Variants in NOVA1 observed in about 807,000 individuals in gnomAD.
NOVA1 encodes the protein RNA-binding protein Nova-1.
Under a neutral mutation model 38.0 loss-of-function variants are expected in NOVA1, and 7 were observed. The ratio of observed to expected loss-of-function variants is 0.18; its 90% CI spans 0.10 to 0.35. The LOEUF is 0.35. Ranked by LOEUF, NOVA1 falls within the 10% of genes least tolerant of loss-of-function variation. The pLI, the probability that NOVA1 is intolerant of heterozygous loss-of-function variation, is 1.00. For missense variants in NOVA1, 460 were observed against 616.0 expected, an observed-to-expected ratio of 0.75 and a Z score of 2.68; for synonymous variants, 270 against 232.5, an observed-to-expected ratio of 1.16 and a Z score of -1.47.
intron 4 of NOVA1, among the ~76,000 whole-genome samples, chr14:26,450,068 G>C (rs1485967726): frequency 6.6e-6 from 1 of 152,074 alleles, no homozygotes; most frequent in African/African-American, 2.4e-5. Flanking sequence ...GTCAAAACTT[G>C]TGATTGTTGT....
At chr14:26,450,677 T>C (rs1882591799) in intron 4 of NOVA1, among the ~76,000 whole-genome samples, 1 of 152,098 alleles carries the variant, frequency 6.6e-6, no homozygotes, top group Non-Finnish European at 1.5e-5. Context: ...TTGTACAAAA[T>C]TATTTGTCTG....
intron 2 of NOVA1, among the ~76,000 whole-genome samples, chr14:26,558,692 T>C (rs377600525): frequency 5.3e-5 from 8 of 152,144 alleles, no homozygotes; most frequent in Non-Finnish European, 8.8e-5. Flanking sequence ...AATTTCTATA[T>C]AGGAAAGTTA....
At chr14:26,513,796 A>G (rs1888269427) in intron 2 of NOVA1, among the ~76,000 whole-genome samples, 1 of 151,826 alleles carries the variant, frequency 6.6e-6, no homozygotes, top group South Asian at 2.1e-4. Flanking sequence ...ATTAAAAGTA[A>G]CTTTAATTTC....
chr14:26,592,443 G>A (rs1893911068), intron 2 of NOVA1, among the ~76,000 whole-genome samples: 1 of 150,978 alleles, frequency 6.6e-6, no homozygotes, highest in African/African-American at 2.4e-5. Context: ...AATTAAGTCA[G>A]TACTCTGTAA....
rs1881835567 is a variant in NOVA1, at chr14:26,443,394, A to C, written c.*4565T>G. ...AGAATTAAACAATATTTTATTTACA[A>C]ATCTGATTTGATGTACTTTATTATA... On this transcript the variant is annotated 3_prime_UTR_variant, in exon 5 of 5. Transcript: ENST00000539517. 6.6e-6 allele frequency: 1 copy of C among 151,986 alleles called. No homozygotes were observed. The highest frequency in any genetic ancestry group is 2.4e-5 in the African/African-American group (1 of 41,446). The allele number at this position is 151,986 out of a possible 1,614,324, so 9.4% of individuals were successfully genotyped here.
chr14:26,596,943 A>G, intron 1 of NOVA1: 1 of 1,201,992 alleles, frequency 8.3e-7, no homozygotes, highest in Non-Finnish European at 1.0e-6. Flanking sequence ...GGCGGCCATC[A>G]CCTCACTCCG....
chr14:26,489,685 T>A (rs967774208), intron 2 of NOVA1, among the ~76,000 whole-genome samples: 3 of 151,752 alleles, frequency 2.0e-5, no homozygotes, highest in African/African-American at 7.3e-5. Flanking sequence ...ACTAAAAAAA[T>A]TTTGTTATTT....
chr14:26,472,405 C>A lies in NOVA1; in HGVS notation c.448-14G>T. The A allele has an allele frequency of 1.4e-6, 2 of 1,460,698 alleles. No individual in the cohort carries two copies. The highest frequency in any genetic ancestry group is 1.9e-6 in the Non-Finnish European group (2 of 1,079,566). The allele number at this position is 1,460,698 out of a possible 1,614,324, so 90.5% of individuals were successfully genotyped here. A position where few individuals can be genotyped will look rare whatever the true frequency, so the allele number is the denominator to read the frequency against. ...AGATGGCAATGTCTGGGAAACAAAGCAGTTCAGGAGCAAATCAACCTTTAT... is the reference window on the plus strand; with the variant it reads ...AGATGGCAATGTCTGGGAAACAAAGAAGTTCAGGAGCAAATCAACCTTTAT... On this transcript the variant is annotated splice_polypyrimidine_tract_variant and intron_variant, in intron 3 of 4. Coordinates refer to ENST00000539517, the MANE Select transcript of NOVA1 (RefSeq NM_002515.3).
At chr14:26,518,305 T>C (rs1425566010) in intron 2 of NOVA1, among the ~76,000 whole-genome samples, 1 of 152,052 alleles carries the variant, frequency 6.6e-6, no homozygotes, top group Non-Finnish European at 1.5e-5. Context: ...CTAAGTTTTC[T>C]GTAGTTTAGT....
At chr14:26,493,263 T>C (rs914771179) in intron 2 of NOVA1, among the ~76,000 whole-genome samples, 5 of 152,278 alleles carry the variant, frequency 3.3e-5, no homozygotes, top group East Asian at 3.9e-4. Context: ...CAGGTCAAAA[T>C]AGGTAACTAC....
At chr14:26,567,615 G>C (rs1892215228) in intron 2 of NOVA1, among the ~76,000 whole-genome samples, 1 of 152,026 alleles carries the variant, frequency 6.6e-6, no homozygotes, top group Non-Finnish European at 1.5e-5. Context: ...GATTTAAATA[G>C]TTTGACAGTG....
chr14:26,544,227 A>T (rs1890648301), intron 2 of NOVA1, among the ~76,000 whole-genome samples: 1 of 152,050 alleles, frequency 6.6e-6, no homozygotes, highest in Admixed American at 6.6e-5. Flanking sequence ...GAGGACAGAG[A>T]TAAACCAGAA....
At chr14:26,504,291 T>C (rs1887463449) in intron 2 of NOVA1, among the ~76,000 whole-genome samples, 1 of 152,180 alleles carries the variant, frequency 6.6e-6, no homozygotes, top group Admixed American at 6.6e-5. Context: ...ATGAAATGTA[T>C]ACTTAACGTG....
chr14:26,579,215 G>A (rs1261319950), intron 2 of NOVA1, among the ~76,000 whole-genome samples: 1 of 151,728 alleles, frequency 6.6e-6, no homozygotes, highest in Non-Finnish European at 1.5e-5. Flanking sequence ...GCGCCATCAA[G>A]CCCAGCCAAT....
intron 4 of NOVA1, among the ~76,000 whole-genome samples, chr14:26,456,386 G>A (rs914897600): frequency 6.6e-6 from 1 of 151,910 alleles, no homozygotes; most frequent in East Asian, 1.9e-4. Flanking sequence ...CAGGGGAAAC[G>A]TGGGAGTTAA....
intron 3 of NOVA1, among the ~76,000 whole-genome samples, chr14:26,473,811 C>A (rs1038888274): frequency 6.6e-6 from 1 of 151,664 alleles, no homozygotes; most frequent in Admixed American, 6.6e-5. Context: ...AGATTTTTAC[C>A]AAATCATACA....
chr14:26,521,768 T>C (rs1288632554), intron 2 of NOVA1, among the ~76,000 whole-genome samples: 2 of 152,048 alleles, frequency 1.3e-5, no homozygotes, highest in African/African-American at 4.8e-5. Context: ...AGAAAGTAAA[T>C]ATTTTATGTT....
chr14:26,502,056 A>G (rs1465685862), intron 2 of NOVA1, among the ~76,000 whole-genome samples: 4 of 151,594 alleles, frequency 2.6e-5, no homozygotes, highest in Non-Finnish European at 5.9e-5. Context: ...AGAATCAACT[A>G]AACAAATCCA....
At chr14:26,489,052 T>C (rs1594387274) in intron 2 of NOVA1, among the ~76,000 whole-genome samples, 1 of 152,146 alleles carries the variant, frequency 6.6e-6, no homozygotes, top group East Asian at 1.9e-4. Flanking sequence ...GGAGCAGCAT[T>C]GCAATGGACA....
Sources: gnomAD v4.1 joint callset for allele counts (sites outside exome capture counted in the v4.1 genomes callset) on GRCh38, gnomAD v4.1.1 for gene constraint, MANE v1.5 for transcripts, NCBI Gene and HGNC (gene_info 2026-07-23, HGNC 2026-07-21) for gene names.